Variants in ATRN observed in about 807,000 individuals in gnomAD.
ATRN encodes attractin.
Under a neutral mutation model 178.7 loss-of-function variants are expected in ATRN, and 54 were observed. The observed-to-expected ratio is 0.30, with a 90% confidence interval of 0.24 to 0.38. The LOEUF is 0.38. ATRN is among the 10% of genes least tolerant of loss of function. ATRN has a pLI of 1.00. For missense variants in ATRN, 1,443 were observed against 1,815.1 expected, an observed-to-expected ratio of 0.79 and a Z score of 3.73; for synonymous variants, 636 against 663.0, an observed-to-expected ratio of 0.96 and a Z score of 0.63.
At chr20:3,514,261 A>G (rs1324760092) in intron 1 of ATRN, among the ~76,000 whole-genome samples, 1 of 152,240 alleles carries the variant, frequency 6.6e-6, no homozygotes, top group Non-Finnish European at 1.5e-5. Flanking sequence ...CTCCATGTCC[A>G]GAAAGCTTCA....
intron 7 of ATRN, among the ~76,000 whole-genome samples, chr20:3,560,311 A>G (rs563770264): frequency 9.8e-5 from 15 of 152,294 alleles, no homozygotes; most frequent in African/African-American, 3.4e-4. Flanking sequence ...TGTTGCTACA[A>G]AATGACTGGA....
intron 1 of ATRN, among the ~76,000 whole-genome samples, chr20:3,472,929 A>C (rs2084452930): frequency 6.6e-6 from 1 of 152,236 alleles, no homozygotes; most frequent in African/African-American, 2.4e-5. Context: ...TGGAATAGCA[A>C]AATTGTAGAC....
At chr20:3,544,572 A>C (rs2085671182) in intron 3 of ATRN, among the ~76,000 whole-genome samples, 1 of 152,218 alleles carries the variant, frequency 6.6e-6, no homozygotes, top group African/African-American at 2.4e-5. Context: ...ATGCAACAGC[A>C]GGTAGACATA....
intron 23 of ATRN, among the ~76,000 whole-genome samples, chr20:3,602,077 C>T (rs911178386): frequency 3.9e-5 from 6 of 151,900 alleles, no homozygotes; most frequent in African/African-American, 9.7e-5. Flanking sequence ...GCCTGTAATC[C>T]CAGCACTGTG....
At chr20:3,567,232 G>T (rs2086049183) in intron 11 of ATRN, among the ~76,000 whole-genome samples, 1 of 152,118 alleles carries the variant, frequency 6.6e-6, no homozygotes, top group Non-Finnish European at 1.5e-5. Context: ...GGACCATTTT[G>T]TCATTATCAT....
chr20:3,608,582 C>T (rs928290921), intron 24 of ATRN, among the ~76,000 whole-genome samples: 1 of 152,096 alleles, frequency 6.6e-6, no homozygotes, highest in Non-Finnish European at 1.5e-5. Flanking sequence ...TGTTTTTATG[C>T]TGGTATCATG....
intron 1 of ATRN, among the ~76,000 whole-genome samples, chr20:3,483,670 C>G (rs1011678213): frequency 6.6e-6 from 1 of 152,116 alleles, no homozygotes; most frequent in African/African-American, 2.4e-5. Flanking sequence ...TTACCTATCT[C>G]TTTTTGCATA....
chr20:3,580,438 A>G (rs1336294919), intron 15 of ATRN, among the ~76,000 whole-genome samples: 1 of 152,214 alleles, frequency 6.6e-6, no homozygotes, highest in Non-Finnish European at 1.5e-5. Flanking sequence ...ATGAGAGACA[A>G]CTGAAGTGTA....
In ATRN at chr20:3,650,344, AATGCT is replaced by A. The variant is rs1483816876; in HGVS notation, c.*3499_*3503del. ...TATTTGCTAAACACTAACTTAAGCT[AATGCT>A]AGGGTAGTGACTGAGATGTAAAAAT... On this transcript the variant is annotated 3_prime_UTR_variant, in exon 29 of 29. Transcript: ENST00000262919. The A allele has an allele frequency of 6.6e-6, 1 of 152,664 alleles. No homozygotes were observed. The allele number at this position is 152,664 out of a possible 1,614,324, so 9.5% of individuals were successfully genotyped here.
chr20:3,578,816 T>G (rs1448651483), intron 15 of ATRN, 44 bp downstream of exon 15: 7 of 1,560,752 alleles, frequency 4.5e-6, no homozygotes, highest in Non-Finnish European at 6.1e-6. Context: ...TTATCCACCT[T>G]TCTACCAAGG....
At chr20:3,600,071 T>C (rs1473906942) in intron 22 of ATRN, among the ~76,000 whole-genome samples, 1 of 152,184 alleles carries the variant, frequency 6.6e-6, no homozygotes, top group Non-Finnish European at 1.5e-5. Flanking sequence ...AAGATAAAAA[T>C]ATAACATTGA....
intron 1 of ATRN, among the ~76,000 whole-genome samples, chr20:3,520,787 G>A (rs138006092): frequency 2.0e-5 from 3 of 152,150 alleles, no homozygotes; most frequent in East Asian, 1.9e-4. Context: ...ATGAGCCAGC[G>A]TACCTGGCCT....
chr20:3,631,963 A>G (rs2086992562), intron 25 of ATRN, among the ~76,000 whole-genome samples: 1 of 152,180 alleles, frequency 6.6e-6, no homozygotes. Context: ...GGGTGGCCCC[A>G]GGACATTCTC....
At chr20:3,570,754 A>C (rs1244531443) in intron 11 of ATRN, among the ~76,000 whole-genome samples, 4 of 152,168 alleles carry the variant, frequency 2.6e-5, no homozygotes, top group Non-Finnish European at 4.4e-5. Flanking sequence ...TCATCCAGAC[A>C]TGAAATTAGG....
intron 1 of ATRN, among the ~76,000 whole-genome samples, chr20:3,486,872 G>C (rs1204447147): frequency 6.6e-6 from 1 of 151,950 alleles, no homozygotes; most frequent in East Asian, 1.9e-4. Flanking sequence ...ATCATTTCTG[G>C]GAAATTCTCA....
intron 27 of ATRN, among the ~76,000 whole-genome samples, chr20:3,641,590 C>CATAAA (rs2087068509): frequency 2.1e-5 from 1 of 47,822 alleles, no homozygotes; most frequent in African/African-American, 1.0e-4. Flanking sequence ...GACTCTGTCG[C>CATAAA]AAAAAAAAAA....
rs3084238 is a variant in ATRN, at chr20:3,485,610, G to GTTTTTTTTTTTT, written c.410+14111_410+14122dup. Among the ~76,000 whole-genome samples the GTTTTTTTTTTTT allele has an allele frequency of 1.4e-3, 97 of 67,908 alleles. 10 individuals carry two copies. Among genetic ancestry groups the GTTTTTTTTTTTT allele is most frequent in the African/African-American group, 3.3e-3 (59 of 18,124 alleles). The allele number at this position is 67,908 out of a possible 152,430, so 44.6% of individuals were successfully genotyped here. Reference sequence around the variant, plus strand: ...TGGTTTGCCAATACATTTTTTTGAGGTTTTTTTTTTTTTTTTTTTTTTTTT... The same window carrying GTTTTTTTTTTTT: ...TGGTTTGCCAATACATTTTTTTGAGGTTTTTTTTTTTTTTTTTTTTTTTTTTTTTTTTTTTTT... On this transcript the variant is annotated intron_variant, in intron 1 of 28. Coordinates refer to ENST00000262919, the MANE Select transcript of ATRN (RefSeq NM_139321.3).
intron 1 of ATRN, among the ~76,000 whole-genome samples, chr20:3,520,061 T>C (rs929604422): frequency 1.8e-4 from 27 of 152,288 alleles, no homozygotes; most frequent in African/African-American, 6.5e-4. Flanking sequence ...ACAGTGAACT[T>C]GTTTTTATGT....
intron 1 of ATRN, among the ~76,000 whole-genome samples, chr20:3,496,904 A>C (rs1203028657): frequency 2.0e-5 from 3 of 149,330 alleles, no homozygotes; most frequent in Non-Finnish European, 3.0e-5. Flanking sequence ...TGATCCCTTT[A>C]CCATTATGTA....
Sources: gnomAD v4.1 joint callset for allele counts (sites outside exome capture counted in the v4.1 genomes callset) on GRCh38, gnomAD v4.1.1 for gene constraint, MANE v1.5 for transcripts, NCBI Gene and HGNC (gene_info 2026-07-23, HGNC 2026-07-21) for gene names.